Variants in DIAPH3 observed in about 807,000 individuals in gnomAD.
DIAPH3 encodes protein diaphanous homolog 3.
DIAPH3 carries 117 observed loss-of-function variants against 144.3 expected under a neutral mutation model. That is an observed-to-expected ratio of 0.81 (90% CI 0.70 to 0.95). The LOEUF is 0.95. Ranked by LOEUF, DIAPH3 falls within the 40% of genes least tolerant of loss-of-function variation. DIAPH3 has a pLI of 0.00. For missense variants in DIAPH3, 1,421 were observed against 1,412.7 expected, an observed-to-expected ratio of 1.01 and a Z score of -0.09; for synonymous variants, 519 against 488.9, an observed-to-expected ratio of 1.06 and a Z score of -0.81.
intron 4 of DIAPH3, among the ~76,000 whole-genome samples, chr13:60,091,361 G>A (rs1166207899): frequency 6.6e-6 from 1 of 152,096 alleles, no homozygotes; most frequent in Non-Finnish European, 1.5e-5. Context: ...GCAGTGGCAC[G>A]ATCTCGGCTC....
At chr13:59,703,980 T>C (rs1366718000) in intron 27 of DIAPH3, among the ~76,000 whole-genome samples, 2 of 152,190 alleles carry the variant, frequency 1.3e-5, no homozygotes, top group Non-Finnish European at 2.9e-5. Context: ...CAGGCTAAGT[T>C]GCAGTTTTAG....
chr13:59,989,073 G>C (rs2051627324), intron 12 of DIAPH3, among the ~76,000 whole-genome samples: 2 of 151,538 alleles, frequency 1.3e-5, no homozygotes, highest in South Asian at 4.1e-4. Context: ...TTTGTAAAAA[G>C]AAAAAGAAAA....
intron 20 of DIAPH3, among the ~76,000 whole-genome samples, chr13:59,908,322 G>T (rs1230497475): frequency 7.9e-6 from 1 of 125,788 alleles, no homozygotes; most frequent in African/African-American, 3.0e-5. Flanking sequence ...AGTGAGCCGA[G>T]ATCGTGCCAC....
intron 1 of DIAPH3, chr13:60,153,491 G>GC (rs1951894128): frequency 6.6e-6 from 1 of 151,602 alleles, no homozygotes; most frequent in South Asian, 2.1e-4. Flanking sequence ...ACAGTGTAAG[G>GC]CTATCTGTGA....
chr13:59,914,082 A>G (rs2047118897), intron 19 of DIAPH3, among the ~76,000 whole-genome samples: 1 of 152,214 alleles, frequency 6.6e-6, no homozygotes, highest in Non-Finnish European at 1.5e-5. Context: ...ACAAAGGTAA[A>G]TGGGTAAAAA....
At chr13:60,027,976 C>T (rs1300991103) in intron 5 of DIAPH3, among the ~76,000 whole-genome samples, 1 of 152,146 alleles carries the variant, frequency 6.6e-6, no homozygotes. Flanking sequence ...TTATTAAAAC[C>T]CATGATCTTC....
At chr13:60,011,205 A>G (rs918790297) in intron 7 of DIAPH3, among the ~76,000 whole-genome samples, 3 of 152,196 alleles carry the variant, frequency 2.0e-5, no homozygotes, top group African/African-American at 4.8e-5. Context: ...TCTTACAACA[A>G]TACAGCTGAC....
intron 25 of DIAPH3, among the ~76,000 whole-genome samples, chr13:59,809,237 C>G (rs570559434): frequency 6.6e-6 from 1 of 152,264 alleles, no homozygotes; most frequent in South Asian, 2.1e-4. Context: ...AGCAGTGGCT[C>G]ACGCCTGTAA....
intron 21 of DIAPH3, among the ~76,000 whole-genome samples, chr13:59,866,754 T>A (rs2043950287): frequency 1.3e-5 from 2 of 152,082 alleles, no homozygotes; most frequent in South Asian, 4.1e-4. Flanking sequence ...TTTAATAGCA[T>A]CATATCCCAT....
chr13:59,902,445 T>A (rs1213795247), intron 20 of DIAPH3, among the ~76,000 whole-genome samples: 1 of 152,160 alleles, frequency 6.6e-6, no homozygotes, highest in Non-Finnish European at 1.5e-5. Context: ...ATGCTTCCTG[T>A]AAGGCTCGCA....
In DIAPH3 at chr13:59,915,935, C is replaced by A. The variant is rs1160311001; in HGVS notation, c.2265+220G>T. Among the ~76,000 whole-genome samples the A allele has an allele frequency of 2.0e-5, 3 of 151,954 alleles. No homozygotes were observed. In the East Asian group the frequency reaches 5.8e-4, roughly 29 times the overall value. ...TTTTCAGAAACAATAACTTAAAATACTTAAAATGTAATCATTTGATAGCAT... is the reference window on the plus strand; with the variant it reads ...TTTTCAGAAACAATAACTTAAAATAATTAAAATGTAATCATTTGATAGCAT... On this transcript the variant is annotated intron_variant, in intron 19 of 27. Coordinates refer to ENST00000400324, the MANE Select transcript of DIAPH3 (RefSeq NM_001042517.2).
intron 27 of DIAPH3, among the ~76,000 whole-genome samples, chr13:59,730,843 T>C (rs73544392): frequency 0.011 from 1,751 of 152,312 alleles, 48 homozygotes; most frequent in African/African-American, 0.04. Context: ...GTGAAATATT[T>C]AACACAGTTC....
chr13:59,838,008 T>C (rs1321052092), intron 23 of DIAPH3: 1 of 152,084 alleles, frequency 6.6e-6, no homozygotes. Flanking sequence ...ACAAGCCAAA[T>C]ATTAATTTTG....
intron 5 of DIAPH3, among the ~76,000 whole-genome samples, chr13:60,021,979 T>C (rs1410500273): frequency 6.6e-6 from 1 of 152,230 alleles, no homozygotes. Flanking sequence ...AAAAGTCCTA[T>C]GGGTAATTCA....
chr13:59,796,040 A>G (rs939270520), intron 25 of DIAPH3, among the ~76,000 whole-genome samples: 1 of 152,198 alleles, frequency 6.6e-6, no homozygotes, highest in Admixed American at 6.5e-5. Flanking sequence ...GATTGAAACT[A>G]GCTAAAATGA....
intron 27 of DIAPH3, among the ~76,000 whole-genome samples, chr13:59,698,955 T>C (rs973432722): frequency 3.3e-5 from 5 of 152,182 alleles, no homozygotes; most frequent in African/African-American, 9.6e-5. Flanking sequence ...GAGTAAAATA[T>C]TAGTGATTGC....
chr13:59,867,777 A>G (rs2139978531), intron 21 of DIAPH3, among the ~76,000 whole-genome samples: 1 of 152,272 alleles, frequency 6.6e-6, no homozygotes, highest in African/African-American at 2.4e-5. Context: ...AAAACAGCTC[A>G]ATGTTCCTTA....
chr13:60,012,939 G>T, intron 7 of DIAPH3: 1 of 934,552 alleles, frequency 1.1e-6, no homozygotes, highest in Non-Finnish European at 1.3e-6. Flanking sequence ...CTACTACTCA[G>T]TATCTATAAA....
At chr13:59,924,751 A>G (rs749465379) in intron 18 of DIAPH3, 24 bp downstream of exon 18, 5 of 1,593,552 alleles carry the variant, frequency 3.1e-6, no homozygotes, top group Non-Finnish European at 4.3e-6. Context: ...CTGTCTTTGA[A>G]TGGTATTGGA....
Sources: gnomAD v4.1 joint callset for allele counts (sites outside exome capture counted in the v4.1 genomes callset) on GRCh38, gnomAD v4.1.1 for gene constraint, MANE v1.5 for transcripts, NCBI Gene and HGNC (gene_info 2026-07-23, HGNC 2026-07-21) for gene names.